The following FAM161A variants were observed in gnomAD, a reference collection of about 807,000 sequenced individuals.
FAM161A encodes the protein FAM161 centrosomal protein A.
In FAM161A, 57 loss-of-function variants were observed where a neutral mutation model predicts 70.9. The ratio of observed to expected loss-of-function variants is 0.80; its 90% CI spans 0.65 to 1.00. FAM161A has a LOEUF of 1.00. Ranked by LOEUF, FAM161A falls within the 50% of genes least tolerant of loss-of-function variation. The probability of loss-of-function intolerance (pLI) is 0.00; values close to 1 mark genes in which losing one functional copy is unlikely to be tolerated. For missense variants in FAM161A, 880 were observed against 836.0 expected (o/e 1.05, Z -0.65); for synonymous variants, 299 against 295.7 (o/e 1.01, Z -0.12).
chr2:61,810,831 G>A, the FAM161A span, among the ~76,000 whole-genome samples: 1 of 152,044 alleles, frequency 6.6e-6, no homozygotes, highest in Admixed American at 6.6e-5. Context: ...AGATCTTGCA[G>A]GCAGGGAAGT....
chr2:61,808,187 G>A, the FAM161A span, among the ~76,000 whole-genome samples: 631 of 152,272 alleles, frequency 4.1e-3, 6 homozygotes, highest in African/African-American at 0.014. Flanking sequence ...TTCAAAAGAA[G>A]TATTTTGAGG....
At position 61,840,379 on chromosome 2, in the gene FAM161A, C is replaced by T. The variant is rs760408265; in HGVS notation, c.625G>A (p.Glu209Lys). The change falls in exon 3 of 7, where the codon GAG becomes AAG. Residue 209 changes from glutamate to lysine, a missense_variant. Transcript: ENST00000404929. ...INNMWTDFCV[E>K]DYIRCKDTGF... Reference sequence around the variant, plus strand: ...GTATCTTTACAGCGAATATAATCCTCAACACAAAAGTCTGTCCACATATTG... The same window carrying T: ...GTATCTTTACAGCGAATATAATCCTTAACACAAAAGTCTGTCCACATATTG... 11 of 1,614,012 alleles carry T rather than the reference C, an allele frequency of 6.8e-6. No individual in the cohort carries two copies. The highest frequency in any genetic ancestry group is 9.3e-6 in the Non-Finnish European group (11 of 1,180,028).
the FAM161A span, among the ~76,000 whole-genome samples, chr2:61,801,607 C>A: frequency 1.3e-5 from 2 of 150,196 alleles, no homozygotes; most frequent in African/African-American, 4.9e-5. Context: ...GCTCTTGTCA[C>A]CCAGGCTGGA....
rs771690838 is a variant in FAM161A, at chr2:61,838,628, T to C, written c.1661A>G (p.Glu554Gly). The change falls in exon 4 of 7, where the codon GAA (glutamate) becomes GGA (glycine). Residue 554 changes from glutamate to glycine, a missense_variant. By Grantham distance (98) the Glu-to-Gly change is moderately conservative (BLOSUM62 -2). Transcript: ENST00000404929. Reference protein sequence around the residue: ...ILTKQKQRMKELQKLLTTRAK... With the variant: ...ILTKQKQRMKGLQKLLTTRAK... ...CCGGGTTGTCAGGAGTTTCTGCAAT[T>C]CTTTCATTCTTTGCTTCTGTTTAGT... The C allele has an allele frequency of 1.9e-6, 3 of 1,612,028 alleles. No individual in the cohort carries two copies. The highest frequency in any genetic ancestry group is 8.5e-7 in the Non-Finnish European group (1 of 1,179,524).
In FAM161A at chr2:61,827,195, C is replaced by G. The variant is rs1370672529; in HGVS notation, c.1915G>C (p.Asp639His). The change falls in exon 6 of 7, where the codon GAT (aspartate) becomes CAT (histidine). Residue 639 changes from aspartate to histidine, a missense_variant. Transcript: ENST00000404929. ...TGGCCTTTCTTTGAAACAAACTCAT[C>G]AGATATTCCTAGTGCTTTTAGGGTA... ...SNTLKALGIS[D>H]EFVSKKGQSG... 2 of 1,613,926 alleles carry G rather than the reference C, an allele frequency of 1.2e-6. No individual in the cohort carries two copies. The highest frequency in any genetic ancestry group is 1.7e-6 in the Non-Finnish European group (2 of 1,179,946).
downstream of FAM161A, chr2:61,820,610 GTTATTCTTTTTTGTA>G (rs1458836852): frequency 1.5e-6 from 1 of 658,138 alleles, no homozygotes; most frequent in Non-Finnish European, 2.8e-6. Flanking sequence ...GTATTAAGGG[GTTATTCTTTTTTGTA>G]TTATTCTTTT....
At chr2:61,835,336 T>C (rs975043151) in intron 5 of FAM161A, among the ~76,000 whole-genome samples, 1 of 152,188 alleles carries the variant, frequency 6.6e-6, no homozygotes, top group Admixed American at 6.5e-5. Flanking sequence ...AAATTTCCCT[T>C]AAGGGAAAGG....
the FAM161A span, among the ~76,000 whole-genome samples, chr2:61,812,080 C>A: frequency 2.0e-5 from 3 of 152,220 alleles, no homozygotes; most frequent in East Asian, 5.8e-4. Context: ...GCCCTAACTT[C>A]CTTCTGGCCT....
At chr2:61,850,214 T>C (rs1361672951) in intron 1 of FAM161A, among the ~76,000 whole-genome samples, 1 of 151,960 alleles carries the variant, frequency 6.6e-6, no homozygotes, top group Non-Finnish European at 1.5e-5. Context: ...CTGACCAACA[T>C]GGAGAAACCC....
the FAM161A span, among the ~76,000 whole-genome samples, chr2:61,815,333 G>A: frequency 6.6e-6 from 1 of 152,102 alleles, no homozygotes; most frequent in East Asian, 1.9e-4. Flanking sequence ...CCAGTATGCT[G>A]TATGATGGCG....
At chr2:61,842,434 G>A (rs1243093645) in intron 1 of FAM161A, 74 bp from the exon 2 acceptor site, 12 of 915,776 alleles carry the variant, frequency 1.3e-5, no homozygotes, top group East Asian at 5.3e-5. Context: ...GATCCAAAAT[G>A]CTGCTTCTTA....
At chr2:61,816,965 G>A in the FAM161A span, among the ~76,000 whole-genome samples, 2 of 152,142 alleles carry the variant, frequency 1.3e-5, no homozygotes, top group African/African-American at 2.4e-5. Flanking sequence ...GGAGTGGGAG[G>A]GGAGAAATAT....
rs879158086 is a variant in FAM161A at position 61,826,599 on chromosome 2, G to C, written c.2007C>G (p.Ser669Arg). The C allele has an allele frequency of 6.3e-7, 1 of 1,599,860 alleles. No homozygotes were observed. The change falls in exon 7 of 7, where the codon AGC becomes AGG. Residue 669 changes from serine (S) to arginine (R), a missense_variant and splice_region_variant. Coordinates refer to ENST00000404929, the MANE Select transcript of FAM161A (RefSeq NM_001201543.2). ...CTTCTATTTTTTCTTCTTCATTAAA[G>C]CTAGGGGAAGAAATTTATCAATCTT... is the stretch of plus-strand genomic sequence containing the variant. ...ETKSVTEDKE[S>R]FNEEEKIEER...
the FAM161A span, among the ~76,000 whole-genome samples, chr2:61,806,671 T>A: frequency 6.7e-6 from 1 of 148,450 alleles, no homozygotes; most frequent in Admixed American, 6.8e-5. Context: ...GCAATTTTGC[T>A]TTCCACGTCT....
the FAM161A span, among the ~76,000 whole-genome samples, chr2:61,815,569 G>A: frequency 3.4e-4 from 11 of 32,586 alleles, no homozygotes; most frequent in African/African-American, 1.3e-3. Context: ...TTTTTTTTTT[G>A]AGATGGAGTC....
chr2:61,838,317 A>G (rs1248065039), intron 4 of FAM161A, among the ~76,000 whole-genome samples: 1 of 152,228 alleles, frequency 6.6e-6, no homozygotes, highest in African/African-American at 2.4e-5. Context: ...TGTATTCATC[A>G]ACATAGCTTC....
At chr2:61,816,421 T>A in the FAM161A span, among the ~76,000 whole-genome samples, 1 of 152,108 alleles carries the variant, frequency 6.6e-6, no homozygotes. Flanking sequence ...GGATTTATTC[T>A]CTCTCTACCC....
At chr2:61,805,930 G>A in the FAM161A span, among the ~76,000 whole-genome samples, 1 of 151,896 alleles carries the variant, frequency 6.6e-6, no homozygotes, top group African/African-American at 2.4e-5. Flanking sequence ...AAATTAACCT[G>A]TTCTCAGCCA....
chr2:61,823,279 G>A (rs948371062), downstream of FAM161A, among the ~76,000 whole-genome samples: 23 of 149,466 alleles, frequency 1.5e-4, no homozygotes, highest in African/African-American at 2.5e-5. Context: ...GTTGCAGTGA[G>A]CCAAGATCGC....
Sources: gnomAD v4.1 joint callset for allele counts (sites outside exome capture counted in the v4.1 genomes callset) on GRCh38, gnomAD v4.1.1 for gene constraint, MANE v1.5 for transcripts, NCBI Gene and HGNC (gene_info 2026-07-23, HGNC 2026-07-21) for gene names.